Variants in GSTCD observed in about 807,000 individuals in gnomAD.
GSTCD encodes the protein glutathione S-transferase C-terminal domain-containing protein.
In GSTCD, 44 loss-of-function variants were observed where a neutral mutation model predicts 68.3. The ratio of observed to expected loss-of-function variants is 0.64; its 90% CI spans 0.51 to 0.83. GSTCD has a LOEUF of 0.83. GSTCD is among the 40% of genes least tolerant of loss of function. The probability of loss-of-function intolerance (pLI) is 0.00; values close to 1 mark genes in which losing one functional copy is unlikely to be tolerated. For synonymous variants in GSTCD, 273 were observed against 255.2 expected (o/e 1.07, Z -0.67); for missense variants, 739 against 735.9 (o/e 1.00, Z -0.05).
chr4:105,719,000 T>C (rs1461379057), intron 2 of GSTCD, 60 bp from the exon 3 acceptor site: 10 of 1,315,650 alleles, frequency 7.6e-6, no homozygotes, highest in Non-Finnish European at 1.1e-5. Flanking sequence ...AGTTATTTTT[T>C]CTAAAGTTAT....
chr4:105,833,495 A>G (rs1202554437), intron 8 of GSTCD, among the ~76,000 whole-genome samples: 2 of 152,116 alleles, frequency 1.3e-5, no homozygotes, highest in African/African-American at 2.4e-5. Flanking sequence ...AAATTTACAG[A>G]AAATCTCCTC....
intron 9 of GSTCD, among the ~76,000 whole-genome samples, chr4:105,836,984 A>G (rs1724147514): frequency 6.6e-6 from 1 of 152,230 alleles, no homozygotes; most frequent in African/African-American, 2.4e-5. Flanking sequence ...ATGTTTTTGA[A>G]TGACTTAAGA....
intron 3 of GSTCD, among the ~76,000 whole-genome samples, chr4:105,722,868 A>G (rs1732916187): frequency 6.6e-6 from 1 of 151,804 alleles, no homozygotes; most frequent in African/African-American, 2.4e-5. Context: ...CTTATGAAGA[A>G]ATTTAATTTT....
At chr4:105,795,250 A>G (rs1396446233) in intron 5 of GSTCD, among the ~76,000 whole-genome samples, 1 of 152,080 alleles carries the variant, frequency 6.6e-6, no homozygotes, top group Non-Finnish European at 1.5e-5. Context: ...TTTCCAATGA[A>G]TGTATCTTAT....
intron 11 of GSTCD, among the ~76,000 whole-genome samples, chr4:105,843,898 TGGTGGG>T (rs1369117394): frequency 3.5e-5 from 1 of 28,484 alleles, no homozygotes; most frequent in African/African-American, 1.8e-4. Flanking sequence ...GTTGCTAGAG[TGGTGGG>T]GGTGGGGGTG....
chr4:105,803,619 A>C (rs1278622104), intron 5 of GSTCD, among the ~76,000 whole-genome samples: 2 of 152,038 alleles, frequency 1.3e-5, no homozygotes, highest in Non-Finnish European at 1.5e-5. Context: ...TAGCAGAAAA[A>C]ATTGAAATAT....
chr4:105,826,321 A>G (rs1560849813), intron 8 of GSTCD, among the ~76,000 whole-genome samples: 1 of 152,128 alleles, frequency 6.6e-6, no homozygotes, highest in Non-Finnish European at 1.5e-5. Context: ...ATTTGATATT[A>G]TGAAAAATCC....
At chr4:105,764,904 A>G (rs1430226666) in intron 5 of GSTCD, among the ~76,000 whole-genome samples, 2 of 152,042 alleles carry the variant, frequency 1.3e-5, no homozygotes, top group Non-Finnish European at 2.9e-5. Flanking sequence ...AACTTACCTC[A>G]CTTAGAGAAA....
chr4:105,837,307 G>T (rs984487699), intron 9 of GSTCD, among the ~76,000 whole-genome samples: 2 of 152,054 alleles, frequency 1.3e-5, no homozygotes, highest in African/African-American at 4.8e-5. Flanking sequence ...TACTACCCTA[G>T]GGCCAGATAT....
chr4:105,732,337 G>T (rs192713776), intron 5 of GSTCD, among the ~76,000 whole-genome samples: 1 of 152,042 alleles, frequency 6.6e-6, no homozygotes, highest in Non-Finnish European at 1.5e-5. Context: ...TTTTTTGGTT[G>T]GTAGGCTATT....
chr4:105,842,667 A>G (rs1724402666), intron 11 of GSTCD, among the ~76,000 whole-genome samples: 1 of 152,230 alleles, frequency 6.6e-6, no homozygotes, highest in Non-Finnish European at 1.5e-5. Context: ...ACTTTAGAAA[A>G]AACAATCACA....
intron 1 of GSTCD, 44 bp from the exon 2 acceptor site, chr4:105,717,549 A>G (rs1038645495): frequency 8.6e-7 from 1 of 1,161,522 alleles, no homozygotes; most frequent in South Asian, 1.7e-5. Context: ...TAGCTTCTAA[A>G]TGATTATATT....
intron 5 of GSTCD, among the ~76,000 whole-genome samples, chr4:105,791,926 C>T (rs1314400579): frequency 6.6e-6 from 1 of 152,018 alleles, no homozygotes; most frequent in African/African-American, 2.4e-5. Context: ...GTCCAAACAA[C>T]TTAATAAGCA....
chr4:105,842,093 A>AC lies in GSTCD; in HGVS notation c.1726dup (p.Gln576ProfsTer51). ...CACATGATTCTGTGCAGATTTGCAG[A>AC]CCAGACAGCTGTCCAGCTCCCACCC... On this transcript the variant is annotated frameshift_variant, in exon 11 of 12. Transcript: ENST00000515279. LOFTEE classifies it high-confidence loss of function. 6.2e-7 allele frequency: 1 copy of AC among 1,614,064 alleles called. No homozygotes were observed. The highest frequency in any genetic ancestry group is 8.5e-7 in the Non-Finnish European group (1 of 1,179,920).
intron 5 of GSTCD, among the ~76,000 whole-genome samples, chr4:105,793,331 T>C (rs959823778): frequency 3.9e-5 from 6 of 151,952 alleles, no homozygotes; most frequent in African/African-American, 1.5e-4. Context: ...TCCTAAGCCC[T>C]ATCTCTGATC....
At chr4:105,777,233 C>T (rs1424929521) in intron 5 of GSTCD, among the ~76,000 whole-genome samples, 1 of 152,122 alleles carries the variant, frequency 6.6e-6, no homozygotes, top group Non-Finnish European at 1.5e-5. Context: ...ATGCATATCA[C>T]ACTAGTAGGG....
At chr4:105,816,849 GA>G (rs1371553029) in intron 5 of GSTCD, among the ~76,000 whole-genome samples, 12 of 152,054 alleles carry the variant, frequency 7.9e-5, no homozygotes, top group Admixed American at 3.9e-4. Context: ...GCATGTCTTT[GA>G]ACAAGTGCAA....
chr4:105,842,026 G>A, intron 10 of GSTCD, 39 bp from the exon 11 acceptor site: 1 of 1,501,538 alleles, frequency 6.7e-7, no homozygotes, highest in Non-Finnish European at 9.3e-7. Flanking sequence ...TGAAGCAGAA[G>A]ATAAAAATAA....
At chr4:105,758,870 G>A (rs571748202) in intron 5 of GSTCD, among the ~76,000 whole-genome samples, 14 of 152,228 alleles carry the variant, frequency 9.2e-5, no homozygotes, top group African/African-American at 3.1e-4. Context: ...TTTACAGGCT[G>A]ATAGGGAAAA....
Sources: allele counts gnomAD v4.1 joint callset (sites outside exome capture counted in the v4.1 genomes callset), GRCh38; gene constraint gnomAD v4.1.1; transcripts MANE v1.5; gene names NCBI Gene and HGNC (gene_info 2026-07-23, HGNC 2026-07-21).